Variants in SLC39A11 observed in about 807,000 individuals in gnomAD.
The protein encoded by SLC39A11 is solute carrier family 39 member 11.
A neutral mutation model predicts 36.1 loss-of-function variants in SLC39A11; 33 were observed. The observed-to-expected ratio is 0.91, with a 90% confidence interval of 0.69 to 1.22. SLC39A11 has a LOEUF of 1.22. Ranked by LOEUF, SLC39A11 falls within the 50% of genes most tolerant of loss-of-function variation. The pLI is 0.00. For synonymous variants in SLC39A11, 166 were observed against 170.3 expected, an observed-to-expected ratio of 0.97 and a Z score of 0.20; for missense variants, 432 against 430.3, an observed-to-expected ratio of 1.00 and a Z score of -0.03.
At chr17:72,727,470 G>C (rs967977507) in intron 7 of SLC39A11, among the ~76,000 whole-genome samples, 1 of 151,864 alleles carries the variant, frequency 6.6e-6, no homozygotes, top group Non-Finnish European at 1.5e-5. Context: ...TGGCTAACAC[G>C]GTGAAACCCA....
intron 3 of SLC39A11, among the ~76,000 whole-genome samples, chr17:73,036,220 CAT>C (rs1200204460): frequency 1.3e-5 from 2 of 152,190 alleles, no homozygotes; most frequent in African/African-American, 4.8e-5. Flanking sequence ...AATACAGGCA[CAT>C]GTTACTTTTC....
intron 3 of SLC39A11, among the ~76,000 whole-genome samples, chr17:73,043,775 G>A (rs959948026): frequency 1.5e-4 from 23 of 152,138 alleles, no homozygotes; most frequent in Admixed American, 6.5e-5. Flanking sequence ...GCCCATGTCT[G>A]TTCAATATCA....
intron 6 of SLC39A11, among the ~76,000 whole-genome samples, chr17:72,748,478 C>T (rs1397146839): frequency 1.3e-5 from 2 of 152,158 alleles, no homozygotes; most frequent in Admixed American, 1.3e-4. Flanking sequence ...CCGATTGTTT[C>T]ACGTTGGGAT....
intron 7 of SLC39A11, among the ~76,000 whole-genome samples, chr17:72,689,407 A>T (rs909039954): frequency 6.6e-6 from 1 of 152,158 alleles, no homozygotes; most frequent in African/African-American, 2.4e-5. Flanking sequence ...GAAGAGACAC[A>T]GAATTACCAT....
intron 5 of SLC39A11, among the ~76,000 whole-genome samples, chr17:72,916,802 A>G (rs2147192610): frequency 1.3e-5 from 2 of 152,234 alleles, no homozygotes; most frequent in South Asian, 2.1e-4. Context: ...CCGCACCTCA[A>G]TTCATGGCAA....
chr17:72,684,299 C>G (rs1358830979), intron 7 of SLC39A11, among the ~76,000 whole-genome samples: 1 of 152,182 alleles, frequency 6.6e-6, no homozygotes, highest in Non-Finnish European at 1.5e-5. Flanking sequence ...GTACAAGTGT[C>G]CAGCTTGTGG....
At chr17:72,983,951 G>A (rs1266525859) in intron 4 of SLC39A11, among the ~76,000 whole-genome samples, 2 of 152,196 alleles carry the variant, frequency 1.3e-5, no homozygotes, top group African/African-American at 4.8e-5. Context: ...CTAAGAGCAG[G>A]GGCCCTCTAG....
intron 6 of SLC39A11, among the ~76,000 whole-genome samples, chr17:72,761,579 G>A (rs2075578871): frequency 6.6e-6 from 1 of 152,174 alleles, no homozygotes; most frequent in South Asian, 2.1e-4. Context: ...TAGCCACCAT[G>A]GGGTGGAGAT....
chr17:73,052,479 G>C (rs921238723), intron 3 of SLC39A11, among the ~76,000 whole-genome samples: 1 of 152,096 alleles, frequency 6.6e-6, no homozygotes, highest in African/African-American at 2.4e-5. Context: ...GAGAGTGAGA[G>C]ATTAAGTCCA....
chr17:73,064,901 A>C (rs1555699505), intron 3 of SLC39A11, among the ~76,000 whole-genome samples: 2 of 152,068 alleles, frequency 1.3e-5, no homozygotes, highest in African/African-American at 2.4e-5. Context: ...TAGGGGAAAA[A>C]ACACAGTTTG....
intron 6 of SLC39A11, among the ~76,000 whole-genome samples, chr17:72,840,980 G>C (rs1043310624): frequency 8.7e-5 from 13 of 149,476 alleles, no homozygotes; most frequent in Admixed American, 8.6e-4. Flanking sequence ...GTGTGAACCT[G>C]GGAGACGGAG....
At chr17:73,088,511 A>C in intron 2 of SLC39A11, 146 bp downstream of exon 2, 1 of 617,752 alleles carries the variant, frequency 1.6e-6, no homozygotes. Flanking sequence ...GAAAATAAGA[A>C]GACAGCGAAC....
intron 5 of SLC39A11, among the ~76,000 whole-genome samples, chr17:72,941,139 G>A (rs956762932): frequency 6.6e-6 from 1 of 152,046 alleles, no homozygotes; most frequent in African/African-American, 2.4e-5. Context: ...CAGGTGTGGT[G>A]GCGCACTCCT....
chr17:72,944,455 C>T (rs1195244832), intron 5 of SLC39A11, among the ~76,000 whole-genome samples: 1 of 152,098 alleles, frequency 6.6e-6, no homozygotes, highest in Non-Finnish European at 1.5e-5. Context: ...CAGAGAAGCC[C>T]AAGATCTTGA....
intron 6 of SLC39A11, among the ~76,000 whole-genome samples, chr17:72,827,786 A>G (rs926360727): frequency 2.0e-5 from 3 of 152,262 alleles, no homozygotes; most frequent in African/African-American, 7.2e-5. Context: ...GGAAGTTAGC[A>G]TAAGACTATC....
intron 3 of SLC39A11, among the ~76,000 whole-genome samples, chr17:73,043,815 G>A (rs185893231): frequency 1.6e-4 from 24 of 152,204 alleles, no homozygotes; most frequent in African/African-American, 4.8e-4. Context: ...CATGATGAGC[G>A]GCCACATGAA....
intron 5 of SLC39A11, among the ~76,000 whole-genome samples, chr17:72,937,470 AAAAT>A (rs905838804): frequency 7.0e-6 from 1 of 143,678 alleles, no homozygotes; most frequent in Admixed American, 7.0e-5. Context: ...AAACAAACAA[AAAAT>A]AAATAAATAA....
intron 3 of SLC39A11, among the ~76,000 whole-genome samples, chr17:73,069,966 A>G (rs1341522718): frequency 1.3e-5 from 2 of 152,194 alleles, no homozygotes; most frequent in Non-Finnish European, 2.9e-5. Flanking sequence ...CTCTACTCCT[A>G]CCATCTGTCT....
rs1208059909 is a variant in SLC39A11 at position 72,654,906 on chromosome 17, GTGGGAGCCTCCTCCACATCCTGTC to G, written c.672-5662_672-5639del. Among the ~76,000 whole-genome samples the G allele has an allele frequency of 2.0e-5, 3 of 152,342 alleles. No individual in the cohort carries two copies. The East Asian group carries it at 5.8e-4, about 29-fold the overall frequency. ...GACTACAGCCATCGCCCGGCGGGCT[GTGGGAGCCTCCTCCACATCCTGTC>G]TGGGAGCCACCATCCTGATAAGCAG... On this transcript the variant is annotated intron_variant, in intron 7 of 9. Coordinates refer to ENST00000255559, the MANE Select transcript of SLC39A11 (RefSeq NM_139177.4).
Sources: gnomAD v4.1 joint callset for allele counts (sites outside exome capture counted in the v4.1 genomes callset) on GRCh38, gnomAD v4.1.1 for gene constraint, MANE v1.5 for transcripts, NCBI Gene and HGNC (gene_info 2026-07-23, HGNC 2026-07-21) for gene names.